FKBP5: variants seen among roughly 807,000 people sequenced by gnomAD.
FKBP5 encodes the protein FKBP prolyl isomerase 5, also known as peptidyl-prolyl cis-trans isomerase FKBP5.
In FKBP5, 23 loss-of-function variants were observed where a neutral mutation model predicts 50.5. The ratio of observed to expected loss-of-function variants is 0.46; its 90% confidence interval spans 0.33 to 0.65. The LOEUF is 0.65. Among genes scored for constraint, FKBP5 ranks in the 30% least tolerant of loss-of-function variants. FKBP5 has a pLI of 0.02. For missense variants in FKBP5, 411 were observed against 553.1 expected (o/e 0.74, Z 2.58); for synonymous variants, 176 against 190.6 (o/e 0.92, Z 0.63).
At chr6:35,621,860 T>C (rs72921231) in intron 3 of FKBP5, among the ~76,000 whole-genome samples, 9,811 of 151,838 alleles carry the variant, frequency 0.065, 469 homozygotes, top group Admixed American at 0.11. Context: ...TGGTGGTGCT[T>C]GCCAGCTACT....
chr6:35,717,471 G>A (rs925573355), intron 2 of FKBP5, among the ~76,000 whole-genome samples: 13 of 152,256 alleles, frequency 8.5e-5, no homozygotes, highest in African/African-American at 2.4e-4. Flanking sequence ...GTGTATGCAC[G>A]CATGTGTCCA....
At chr6:35,588,795 G>A (rs958260634) in intron 7 of FKBP5, among the ~76,000 whole-genome samples, 15 of 148,254 alleles carry the variant, frequency 1.0e-4, no homozygotes, top group African/African-American at 2.7e-4. Flanking sequence ...TGGTAGAGAC[G>A]GGGTCTCACT....
intron 1 of FKBP5, among the ~76,000 whole-genome samples, chr6:35,648,865 C>G (rs542536663): frequency 6.6e-5 from 10 of 152,198 alleles, no homozygotes; most frequent in Non-Finnish European, 1.3e-4. Context: ...AGGAGAATCG[C>G]TTGAACCCTG....
intron 8 of FKBP5, chr6:35,582,616 T>C (rs1023250678): frequency 2.2e-4 from 213 of 963,434 alleles, no homozygotes; most frequent in Middle Eastern, 1.6e-3. Context: ...TCTCCAGAAG[T>C]AAATTCCTGT....
chr6:35,657,107 C>T (rs1325504443), intron 1 of FKBP5, among the ~76,000 whole-genome samples: 1 of 150,864 alleles, frequency 6.6e-6, no homozygotes, highest in Non-Finnish European at 1.5e-5. Context: ...CCCAGCTACT[C>T]GGGAGGCTGA....
chr6:35,588,732 T>C (rs1237677478), intron 7 of FKBP5, among the ~76,000 whole-genome samples: 2 of 151,324 alleles, frequency 1.3e-5, no homozygotes, highest in East Asian at 2.0e-4. Context: ...TCCCGAGTAG[T>C]TGGGACCACA....
At chr6:35,605,073 G>A (rs1763266283) in intron 5 of FKBP5, among the ~76,000 whole-genome samples, 2 of 152,192 alleles carry the variant, frequency 1.3e-5, no homozygotes, top group South Asian at 2.1e-4. Flanking sequence ...GTGAGCCACC[G>A]TGCCCGGCCC....
chr6:35,660,264 A>T (rs965317078), intron 1 of FKBP5, among the ~76,000 whole-genome samples: 39 of 46,670 alleles, frequency 8.4e-4, no homozygotes, highest in Admixed American at 1.5e-3. Flanking sequence ...CATTGATGCT[A>T]TTTTTTTTTT....
chr6:35,717,032 T>C (rs890071302), intron 2 of FKBP5, among the ~76,000 whole-genome samples: 3 of 152,092 alleles, frequency 2.0e-5, no homozygotes, highest in Non-Finnish European at 4.4e-5. Context: ...TTGGAGACCT[T>C]TGTTCCTAGA....
intron 3 of FKBP5, among the ~76,000 whole-genome samples, chr6:35,636,231 G>A (rs1764306271): frequency 6.6e-6 from 1 of 152,120 alleles, no homozygotes; most frequent in African/African-American, 2.4e-5. Context: ...AGCCCACAGT[G>A]GCAAATAAGC....
intron 1 of FKBP5, among the ~76,000 whole-genome samples, chr6:35,726,507 C>G (rs1766713412): frequency 6.7e-6 from 1 of 150,106 alleles, no homozygotes; most frequent in Admixed American, 6.7e-5. Context: ...CAGAATGAGT[C>G]ACGTCCACCC....
chr6:35,666,212 C>T (rs951598005), intron 1 of FKBP5, among the ~76,000 whole-genome samples: 2 of 151,368 alleles, frequency 1.3e-5, no homozygotes, highest in African/African-American at 4.9e-5. Flanking sequence ...AGAAAAATAA[C>T]ACTTCATATC....
At chr6:35,663,270 G>A (rs950318871) in intron 1 of FKBP5, among the ~76,000 whole-genome samples, 2 of 152,192 alleles carry the variant, frequency 1.3e-5, no homozygotes, top group Non-Finnish European at 2.9e-5. Context: ...CCAGGGAGCT[G>A]CATGTGATCC....
chr6:35,718,713 C>A (rs1464873021), intron 2 of FKBP5, among the ~76,000 whole-genome samples: 1 of 152,180 alleles, frequency 6.6e-6, no homozygotes, highest in Admixed American at 6.5e-5. Flanking sequence ...GCTCAAATAA[C>A]TGTTTTTGAA....
At chr6:35,587,585 T>A (rs1054304472) in intron 7 of FKBP5, among the ~76,000 whole-genome samples, 1 of 152,216 alleles carries the variant, frequency 6.6e-6, no homozygotes, top group African/African-American at 2.4e-5. Flanking sequence ...CTGGGTCAGG[T>A]TGTCTTGCCA....
chr6:35,720,102 G>A (rs1014374314), intron 2 of FKBP5, among the ~76,000 whole-genome samples: 1 of 152,350 alleles, frequency 6.6e-6, no homozygotes, highest in African/African-American at 2.4e-5. Flanking sequence ...GAGAACCCTG[G>A]CTGTGCTCCG....
At chr6:35,705,832 A>C (rs937899508) in intron 2 of FKBP5, among the ~76,000 whole-genome samples, 1 of 152,210 alleles carries the variant, frequency 6.6e-6, no homozygotes, top group African/African-American at 2.4e-5. Flanking sequence ...AATGTTGGCT[A>C]GATGCAGTGG....
chr6:35,720,682 C>T (rs1766596883), intron 1 of FKBP5: 1 of 152,294 alleles, frequency 6.6e-6, no homozygotes, highest in Admixed American at 6.5e-5. Context: ...CTGCCTGTCT[C>T]ATGCATCAGA....
At chr6:35,650,746 G>C (rs1764777107) in intron 1 of FKBP5, among the ~76,000 whole-genome samples, 1 of 152,094 alleles carries the variant, frequency 6.6e-6, no homozygotes, top group Non-Finnish European at 1.5e-5. Flanking sequence ...AAAGTGCTGG[G>C]ATCACAGACA....
Sources: gnomAD v4.1 joint callset for allele counts (sites outside exome capture counted in the v4.1 genomes callset) on GRCh38, gnomAD v4.1.1 for gene constraint, MANE v1.5 for transcripts, NCBI Gene and HGNC (gene_info 2026-07-23, HGNC 2026-07-21) for gene names.